The following CHAF1A variants were observed in gnomAD, a reference collection of about 807,000 sequenced individuals.
The protein encoded by CHAF1A is CAF-1 subunit A.
CHAF1A carries 5 observed loss-of-function variants against 93.2 expected under a neutral mutation model. That is an observed-to-expected ratio of 0.05 (90% CI 0.03 to 0.11). The LOEUF (loss-of-function observed/expected upper bound fraction) is 0.11. Among genes scored for constraint, CHAF1A ranks in the 10% least tolerant of loss-of-function variants. The probability of loss-of-function intolerance (pLI) is 1.00; values close to 1 mark genes in which losing one functional copy is unlikely to be tolerated. For synonymous variants in CHAF1A, 504 were observed against 510.3 expected (o/e 0.99, Z 0.17); for missense variants, 1,102 against 1,259.9 (o/e 0.87, Z 1.90).
chr19:4,410,663 G>A (rs1973779257), intron 3 of CHAF1A, among the ~76,000 whole-genome samples: 1 of 152,120 alleles, frequency 6.6e-6, no homozygotes, highest in Non-Finnish European at 1.5e-5. Context: ...TTATAGGCAT[G>A]AGCCACTGCA....
downstream of CHAF1A, chr19:4,446,405 G>T: frequency 6.3e-7 from 1 of 1,577,950 alleles, no homozygotes; most frequent in African/African-American, 1.3e-5. Context: ...CCGCTCCACC[G>T]CCTCGGACCT....
At position 4,433,226 on chromosome 19, in the gene CHAF1A, G is replaced by A. The variant is rs1599659289; in HGVS notation, c.2360G>A (p.Ser787Asn). ...STTYLHTPTP[S>N]EDAAIPSKSR... ...ACCTACCTGCACACCCCCACCCCCA[G>A]CGAGGATGCCGCCATCCCCTCTAAG... is the stretch of plus-strand genomic sequence containing the variant. The change falls in exon 13 of 15, where the codon AGC (serine) becomes AAC (asparagine). Residue 787 changes from serine to asparagine, a missense_variant. This residue lies in a region of CHAF1A where 335 missense variants were observed against 361.9 expected (regional missense o/e 0.93). Coordinates refer to ENST00000301280, the MANE Select transcript of CHAF1A (RefSeq NM_005483.3). This position sits in a 1 kb window ranked among gnomAD's most constrained non-coding sequence, Gnocchi z 5.6. 1.2e-6 allele frequency: 2 copies of A among 1,613,992 alleles called. No individual in the cohort carries two copies. Among genetic ancestry groups the A allele is most frequent in the Non-Finnish European group, 1.7e-6 (2 of 1,180,014 alleles).
chr19:4,422,631 A>G lies in CHAF1A; in HGVS notation c.1083A>G (p.Lys361=), dbSNP rs777761595. The part of the protein sequence containing the change: ...RAEREEKEKL[K]EEAKRAKEEA... ...AAAGGGAAGAAAAGGAGAAGCTGAA[A>G]GAGGAGGCCAAGCGGGCCAAGGAGG... is the stretch of plus-strand genomic sequence containing the variant. The change falls in exon 5 of 15, where the codon AAA becomes AAG. Residue 361 remains lysine, a synonymous_variant. Coordinates refer to ENST00000301280, the MANE Select transcript of CHAF1A (RefSeq NM_005483.3). The surrounding 1 kb of genome is among the most constrained non-coding windows in gnomAD (Gnocchi z 4.6). The G allele has an allele frequency of 2.5e-6, 4 of 1,597,138 alleles. No individual in the cohort carries two copies. In the South Asian group the frequency reaches 4.5e-5, roughly 18 times the overall value.
chr19:4,448,784 C>G (rs932315869), downstream of CHAF1A: 6 of 252,270 alleles, frequency 2.4e-5, no homozygotes, highest in African/African-American at 1.3e-4. Flanking sequence ...CCTCCCGCCA[C>G]CATGGACGCC....
chr19:4,405,417 G>A (rs1009157084), intron 1 of CHAF1A, among the ~76,000 whole-genome samples: 1 of 152,090 alleles, frequency 6.6e-6, no homozygotes, highest in African/African-American at 2.4e-5. Flanking sequence ...AGACCATTCT[G>A]GCTAACATGG....
Position 4,433,385 on chromosome 19 carries a change from G to C in CHAF1A, c.2519G>C (p.Ser840Thr). Reference sequence around the variant, plus strand: ...CACCTGCCCGTGCCGTGCCAGTGGAGCTATGTGACATCGGTGCCCTCGGCC... The same window carrying C: ...CACCTGCCCGTGCCGTGCCAGTGGACCTATGTGACATCGGTGCCCTCGGCC... ...QEHLPVPCQWSYVTSVPSAPK... is the reference protein window; with the variant it reads ...QEHLPVPCQWTYVTSVPSAPK... Residue 840 changes from serine (S) to threonine (T), a missense_variant, in exon 13 of 15, where the codon AGC becomes ACC. By Grantham distance (58) the Ser-to-Thr change is moderately conservative. Around this residue, in one of 6 missense-constraint regions of CHAF1A, gnomAD observed 76 missense variants for 129.8 expected, o/e 0.59. Transcript: ENST00000301280. This position sits in a 1 kb window ranked among gnomAD's most constrained non-coding sequence, Gnocchi z 5.6. The C allele has an allele frequency of 6.2e-7, 1 of 1,613,052 alleles. No homozygotes were observed. The highest frequency in any genetic ancestry group is 8.5e-7 in the Non-Finnish European group (1 of 1,179,106).
At chr19:4,436,190 G>A (rs1292117362) in intron 13 of CHAF1A, among the ~76,000 whole-genome samples, 2 of 151,992 alleles carry the variant, frequency 1.3e-5, no homozygotes, top group East Asian at 1.9e-4. Context: ...GGAGGCGAGA[G>A]AAATGGCTCC....
intron 11 of CHAF1A, 131 bp from the exon 12 acceptor site, chr19:4,431,819 GAC>G: frequency 8.9e-7 from 1 of 1,127,938 alleles, no homozygotes; most frequent in South Asian, 1.5e-5. Flanking sequence ...CCCTGGCCCT[GAC>G]ACTGTGGGAA....
intron 3 of CHAF1A, among the ~76,000 whole-genome samples, chr19:4,413,508 G>C (rs1973845207): frequency 6.6e-6 from 1 of 152,154 alleles, no homozygotes; most frequent in Non-Finnish European, 1.5e-5. Flanking sequence ...TTGCAGGGGC[G>C]AGCTGGTGGG....
At chr19:4,447,769 A>T (rs1461415439), downstream of CHAF1A, 4 of 782,616 alleles carry the variant, frequency 5.1e-6, no homozygotes, top group Non-Finnish European at 8.7e-6. Flanking sequence ...CGAGGGCAGC[A>T]GACCATCTCC....
intron 1 of CHAF1A, 72 bp from the exon 2 acceptor site, chr19:4,405,840 T>TC (rs1370784646): frequency 4.1e-5 from 56 of 1,360,298 alleles, no homozygotes; most frequent in Non-Finnish European, 5.6e-5. Flanking sequence ...CATAATTGGC[T>TC]CTACATATGT....
intron 13 of CHAF1A, among the ~76,000 whole-genome samples, chr19:4,435,256 A>G (rs1014736397): frequency 6.6e-6 from 1 of 151,228 alleles, no homozygotes; most frequent in African/African-American, 2.4e-5. Flanking sequence ...ACGCCCGGCT[A>G]ATTTTTTGTA....
chr19:4,416,750 G>T (rs1286658875), intron 3 of CHAF1A, among the ~76,000 whole-genome samples: 3 of 152,074 alleles, frequency 2.0e-5, no homozygotes, highest in African/African-American at 7.2e-5. Flanking sequence ...AATTAGCCAG[G>T]TGTGGTGGCA....
intron 3 of CHAF1A, among the ~76,000 whole-genome samples, chr19:4,416,676 G>C (rs1377765867): frequency 2.0e-5 from 3 of 152,122 alleles, no homozygotes; most frequent in Admixed American, 2.0e-4. Context: ...GATCACCTGA[G>C]GTCAGGAGTT....
At chr19:4,421,416 G>C (rs1360678773) in intron 4 of CHAF1A, among the ~76,000 whole-genome samples, 1 of 152,140 alleles carries the variant, frequency 6.6e-6, no homozygotes, top group African/African-American at 2.4e-5. Context: ...TTTCCCACAA[G>C]TACCAGGACA....
chr19:4,410,000 C>T (rs1973763664), intron 3 of CHAF1A, among the ~76,000 whole-genome samples: 2 of 152,158 alleles, frequency 1.3e-5, no homozygotes, highest in African/African-American at 4.8e-5. Flanking sequence ...TGAATAACAC[C>T]CTGCTGTTTT....
At chr19:4,436,225 T>C (rs1974281563) in intron 13 of CHAF1A, among the ~76,000 whole-genome samples, 1 of 152,178 alleles carries the variant, frequency 6.6e-6, no homozygotes, top group Non-Finnish European at 1.5e-5. Context: ...GCCATCTCCC[T>C]GCTGCCAGCA....
chr19:4,440,451 A>G (rs1568184101), intron 13 of CHAF1A, among the ~76,000 whole-genome samples: 2 of 151,910 alleles, frequency 1.3e-5, no homozygotes, highest in Middle Eastern at 3.2e-3. Context: ...CTACTTAAAA[A>G]AAAAAAAATT....
At chr19:4,446,205 G>GT, downstream of CHAF1A, 1 of 1,598,004 alleles carries the variant, frequency 6.3e-7, no homozygotes, top group Non-Finnish European at 8.5e-7. Context: ...TGCCTGGGGA[G>GT]TGGGGGAGTC....
Sources: allele counts gnomAD v4.1 joint callset (sites outside exome capture counted in the v4.1 genomes callset), GRCh38; gene constraint gnomAD v4.1.1; regional missense constraint gnomAD v4.1.1; non-coding constraint Gnocchi (gnomAD v3.1); transcripts MANE v1.5; gene names NCBI Gene and HGNC (gene_info 2026-07-23, HGNC 2026-07-21).